Variants in PIGU observed in about 807,000 individuals in gnomAD.
PIGU encodes GPI-anchor transamidase component PIGU.
A neutral mutation model predicts 49.9 loss-of-function variants in PIGU; 24 were observed. The ratio of observed to expected loss-of-function variants is 0.48; its 90% CI spans 0.35 to 0.68. The LOEUF (loss-of-function observed/expected upper bound fraction) is 0.68. PIGU is among the 30% of genes least tolerant of loss of function. PIGU has a pLI of 0.01. For synonymous variants in PIGU, 220 were observed against 205.7 expected, an observed-to-expected ratio of 1.07 and a Z score of -0.59; for missense variants, 490 against 532.6, an observed-to-expected ratio of 0.92 and a Z score of 0.79.
chr20:34,612,583 T>C (rs1395087088), intron 7 of PIGU, among the ~76,000 whole-genome samples: 1 of 151,564 alleles, frequency 6.6e-6, no homozygotes, highest in Non-Finnish European at 1.5e-5. Context: ...AATAAATAAA[T>C]AACCAAGTCT....
At chr20:34,652,175 T>C (rs1986562600) in intron 2 of PIGU, among the ~76,000 whole-genome samples, 1 of 152,032 alleles carries the variant, frequency 6.6e-6, no homozygotes, top group Non-Finnish European at 1.5e-5. Context: ...AATTTATTTT[T>C]CCCCCTGGGG....
chr20:34,594,545 G>A (rs1257455130), intron 7 of PIGU, among the ~76,000 whole-genome samples: 1 of 152,170 alleles, frequency 6.6e-6, no homozygotes, highest in Non-Finnish European at 1.5e-5. Flanking sequence ...TATAAGAGGT[G>A]GGCAAATCAC....
chr20:34,579,606 C>T (rs1259610231), intron 10 of PIGU, among the ~76,000 whole-genome samples: 1 of 152,182 alleles, frequency 6.6e-6, no homozygotes, highest in Non-Finnish European at 1.5e-5. Flanking sequence ...GCAGGTTCTC[C>T]AAGCACGTGT....
intron 1 of PIGU, among the ~76,000 whole-genome samples, chr20:34,663,165 A>G (rs1289078091): frequency 6.6e-6 from 1 of 152,134 alleles, no homozygotes; most frequent in African/African-American, 2.4e-5. Flanking sequence ...TTGACCTCCC[A>G]AAGTGGTGGG....
chr20:34,660,201 AT>A (rs1372097837), intron 1 of PIGU, among the ~76,000 whole-genome samples: 1 of 152,178 alleles, frequency 6.6e-6, no homozygotes, highest in East Asian at 1.9e-4. Flanking sequence ...GGCGTACTCC[AT>A]CCATAGTAAT....
chr20:34,601,313 G>A (rs1984416119), intron 7 of PIGU, among the ~76,000 whole-genome samples: 1 of 152,082 alleles, frequency 6.6e-6, no homozygotes, highest in South Asian at 2.1e-4. Flanking sequence ...GGGGAACAGG[G>A]CCCTAAAACG....
chr20:34,676,296 G>A (rs1987495129), intron 1 of PIGU, among the ~76,000 whole-genome samples: 4 of 152,186 alleles, frequency 2.6e-5, no homozygotes, highest in African/African-American at 9.7e-5. Flanking sequence ...GGAAGGAACT[G>A]GGTGGACACA....
chr20:34,589,649 C>CTTTT (rs34119895), intron 7 of PIGU, among the ~76,000 whole-genome samples: 10 of 53,688 alleles, frequency 1.9e-4, no homozygotes, highest in African/African-American at 3.9e-4. Flanking sequence ...CTGCACCTGG[C>CTTTT]TTTTTTTTTT....
At chr20:34,577,587 G>A (rs1255411633) in intron 10 of PIGU, among the ~76,000 whole-genome samples, 2 of 152,110 alleles carry the variant, frequency 1.3e-5, no homozygotes, top group Non-Finnish European at 2.9e-5. Flanking sequence ...ATGGTGGCGG[G>A]TGCCTATAAT....
chr20:34,642,283 C>A (rs1359132006), intron 4 of PIGU, among the ~76,000 whole-genome samples: 1 of 152,084 alleles, frequency 6.6e-6, no homozygotes, highest in Non-Finnish European at 1.5e-5. Context: ...GACCACAGCT[C>A]ACTGCAGCCT....
intron 1 of PIGU, among the ~76,000 whole-genome samples, chr20:34,664,182 A>G (rs538218266): frequency 1.1e-4 from 16 of 152,004 alleles, no homozygotes; most frequent in African/African-American, 3.9e-4. Context: ...TTTGAGACTC[A>G]CTCTGTTGCC....
chr20:34,665,182 T>A (rs1186778068), intron 1 of PIGU, among the ~76,000 whole-genome samples: 1 of 120,070 alleles, frequency 8.3e-6, no homozygotes, highest in African/African-American at 3.4e-5. Context: ...CACACCACCA[T>A]GTATGGCCAA....
chr20:34,668,882 T>G (rs1203561912), intron 1 of PIGU, among the ~76,000 whole-genome samples: 5 of 127,786 alleles, frequency 3.9e-5, no homozygotes, highest in Admixed American at 7.8e-5. Flanking sequence ...TTTTTTTTTT[T>G]TTTTTTTTTT....
chr20:34,583,772 T>C (rs1983582282), intron 9 of PIGU, among the ~76,000 whole-genome samples: 1 of 152,082 alleles, frequency 6.6e-6, no homozygotes, highest in Non-Finnish European at 1.5e-5. Flanking sequence ...TGCCAGGCCA[T>C]GGAAGGAGGG....
chr20:34,642,478 T>A (rs1476538980), intron 4 of PIGU, among the ~76,000 whole-genome samples: 4 of 151,184 alleles, frequency 2.6e-5, no homozygotes, highest in Admixed American at 6.6e-5. Context: ...GGTTTTTTGA[T>A]GAGAATTGAG....
At chr20:34,673,782 T>C (rs572004592) in intron 1 of PIGU, among the ~76,000 whole-genome samples, 146 of 152,284 alleles carry the variant, frequency 9.6e-4, no homozygotes, top group Non-Finnish European at 1.4e-3. Context: ...TGGCCGGGCG[T>C]GGTGGCTCAC....
chr20:34,589,104 TACACACACACACACAC>T lies in PIGU; in HGVS notation c.628-513_628-498del, dbSNP rs11469162. 7.0e-3 allele frequency among the ~76,000 whole-genome samples: 1,024 copies of T among 145,998 alleles called. 12 individuals carry two copies. The highest frequency in any genetic ancestry group is 0.015 in the African/African-American group (604 of 39,486). ...GATTATACCAAATAATACTATTATT[TACACACACACACACAC>T]ACACACACACACACACACACACACA... On this transcript the variant is annotated intron_variant, in intron 7 of 11. Coordinates refer to ENST00000217446, the MANE Select transcript of PIGU (RefSeq NM_080476.5).
chr20:34,636,381 A>G (rs1438766680), intron 5 of PIGU, among the ~76,000 whole-genome samples: 2 of 151,944 alleles, frequency 1.3e-5, no homozygotes, highest in African/African-American at 4.8e-5. Context: ...CGTCTCTGCT[A>G]AAAGTACAAA....
chr20:34,643,951 C>A (rs1404923514), intron 4 of PIGU: 3 of 424,052 alleles, frequency 7.1e-6, no homozygotes, highest in Non-Finnish European at 1.3e-5. Context: ...TAATAAGCTA[C>A]ATAGATGAAG....
Sources: allele counts gnomAD v4.1 joint callset (sites outside exome capture counted in the v4.1 genomes callset), GRCh38; gene constraint gnomAD v4.1.1; transcripts MANE v1.5; gene names NCBI Gene and HGNC (gene_info 2026-07-23, HGNC 2026-07-21).